The following PUM1 variants were observed in gnomAD, a reference collection of about 807,000 sequenced individuals.
The protein encoded by PUM1 is pumilio RNA binding family member 1.
A neutral mutation model predicts 131.8 loss-of-function variants in PUM1; 13 were observed. That is an observed-to-expected ratio of 0.10 (90% CI 0.06 to 0.16). The LOEUF (loss-of-function observed/expected upper bound fraction) is 0.16, where lower values mean the gene tolerates loss of function less well. Ranked by LOEUF, PUM1 falls within the 10% of genes least tolerant of loss-of-function variation. PUM1 has a pLI of 1.00. For missense variants in PUM1, 961 were observed against 1,512.4 expected, an observed-to-expected ratio of 0.64 and a Z score of 6.05; for synonymous variants, 509 against 556.5, an observed-to-expected ratio of 0.91 and a Z score of 1.20.
chr1:31,048,743 C>T (rs1296817043), intron 2 of PUM1, among the ~76,000 whole-genome samples: 3 of 151,726 alleles, frequency 2.0e-5, no homozygotes, highest in Non-Finnish European at 2.9e-5. Context: ...CAAAGTGCTG[C>T]GATTACAGGC....
chr1:31,002,009 G>A (rs78134010), intron 5 of PUM1, among the ~76,000 whole-genome samples: 234 of 152,274 alleles, frequency 1.5e-3, no homozygotes, highest in African/African-American at 5.3e-3. Context: ...AATGCTGTCG[G>A]CCCACTGACT....
intron 13 of PUM1, among the ~76,000 whole-genome samples, chr1:30,965,356 T>A (rs1640577149): frequency 2.0e-5 from 3 of 152,238 alleles, no homozygotes; most frequent in Non-Finnish European, 4.4e-5. Flanking sequence ...AATCGAGAGT[T>A]AATGCTGCCC....
chr1:30,994,951 A>T (rs1641929512), intron 6 of PUM1, 103 bp downstream of exon 6: 1 of 1,246,850 alleles, frequency 8.0e-7, no homozygotes, highest in Admixed American at 2.3e-5. Flanking sequence ...TTAAAAAGAA[A>T]ACATGAAGAG....
Position 30,966,080 on chromosome 1 carries a change from T to C in PUM1, c.1988A>G (p.Gln663Arg). The C allele has an allele frequency of 2.5e-6, 4 of 1,614,216 alleles. No individual in the cohort carries two copies. Among genetic ancestry groups the C allele is most frequent in the East Asian group, 2.2e-5 (1 of 44,894 alleles). ...SNSQSSSLFS[Q>R]GSAQPANTSL... is the part of the protein sequence containing the mutation. ...TGTGTTGGCAGGCTGGGCAGAGCCC[T>C]GGGAGAAGAGGGAGCTGCTCTGTGA... The change falls in exon 13 of 22, where the codon CAG becomes CGG. Residue 663 changes from glutamine to arginine, a missense_variant. Around this residue, in one of 4 missense-constraint regions of PUM1, gnomAD observed 654 missense variants for 923.9 expected, o/e 0.71. Transcript: ENST00000426105.
intron 2 of PUM1, among the ~76,000 whole-genome samples, chr1:31,037,673 C>T (rs1018866316): frequency 2.6e-5 from 4 of 151,886 alleles, no homozygotes; most frequent in Non-Finnish European, 5.9e-5. Context: ...CACCACTGCA[C>T]TCCAGCCCGG....
chr1:31,029,314 T>C (rs1425082588), intron 2 of PUM1, among the ~76,000 whole-genome samples: 2 of 152,218 alleles, frequency 1.3e-5, no homozygotes, highest in Admixed American at 1.3e-4. Flanking sequence ...TATTTCTCTT[T>C]GGTAAACCTC....
rs189950084 is a variant in PUM1 at position 30,998,363 on chromosome 1, G to A, written c.721-3143C>T. Among the ~76,000 whole-genome samples, 128 of 152,274 alleles carry A rather than the reference G, an allele frequency of 8.4e-4. 1 individual carries two copies. Among genetic ancestry groups the A allele is most frequent in the African/African-American group, 2.2e-3 (92 of 41,538 alleles). Reference sequence around the variant, plus strand: ...TATTAAGAGATAGTATCAGCTGCACGCAGTGGCTCATGCCTGTAATCCTAG... The same window carrying A: ...TATTAAGAGATAGTATCAGCTGCACACAGTGGCTCATGCCTGTAATCCTAG... On this transcript the variant is annotated intron_variant, in intron 5 of 21. Coordinates refer to ENST00000426105, the MANE Select transcript of PUM1 (RefSeq NM_001020658.2).
At chr1:30,969,661 G>A (rs1335930951) in intron 10 of PUM1, among the ~76,000 whole-genome samples, 1 of 151,650 alleles carries the variant, frequency 6.6e-6, no homozygotes, top group Non-Finnish European at 1.5e-5. Flanking sequence ...GGTGGGCGGC[G>A]GGTGGCGCGG....
chr1:31,007,971 A>G (rs1642454443), intron 3 of PUM1, among the ~76,000 whole-genome samples: 1 of 152,242 alleles, frequency 6.6e-6, no homozygotes, highest in Admixed American at 6.5e-5. Context: ...TTTACTGACT[A>G]AAATGCCCCC....
At chr1:30,955,282 C>T (rs922666235) in intron 14 of PUM1, among the ~76,000 whole-genome samples, 4 of 144,728 alleles carry the variant, frequency 2.8e-5, no homozygotes, top group African/African-American at 1.0e-4. Context: ...GGTGAAACCC[C>T]GACTCTACTA....
intron 2 of PUM1, among the ~76,000 whole-genome samples, chr1:31,031,080 T>C (rs944944528): frequency 1.3e-5 from 2 of 152,108 alleles, no homozygotes; most frequent in African/African-American, 4.8e-5. Flanking sequence ...GCACAATAAA[T>C]AGACTCATAA....
intron 15 of PUM1, among the ~76,000 whole-genome samples, chr1:30,952,993 CAAAACAAAACAAAAAAACA>C (rs1406452726): frequency 6.6e-6 from 1 of 150,636 alleles, no homozygotes; most frequent in East Asian, 1.9e-4. Context: ...CAAAACAAAA[CAAAACAAAACAAAAAAACA>C]AAAACAAAAC....
At chr1:31,061,190 G>A (rs1376582242) in intron 1 of PUM1, among the ~76,000 whole-genome samples, 1 of 152,090 alleles carries the variant, frequency 6.6e-6, no homozygotes, top group Non-Finnish European at 1.5e-5. Context: ...TGGGCACAGT[G>A]GCTCACTCCT....
At chr1:31,015,155 A>G (rs1240605234) in intron 3 of PUM1, among the ~76,000 whole-genome samples, 1 of 152,178 alleles carries the variant, frequency 6.6e-6, no homozygotes, top group Admixed American at 6.5e-5. Context: ...AAGAAAAATA[A>G]AAGCAGAAGA....
At chr1:31,027,584 C>T (rs1365905527) in intron 3 of PUM1, among the ~76,000 whole-genome samples, 3 of 152,098 alleles carry the variant, frequency 2.0e-5, no homozygotes, top group Non-Finnish European at 2.9e-5. Flanking sequence ...ACCAAAAATG[C>T]ATGAACTCAA....
chr1:31,027,547 T>C (rs576685893), intron 3 of PUM1, among the ~76,000 whole-genome samples: 22 of 152,192 alleles, frequency 1.4e-4, no homozygotes, highest in African/African-American at 5.3e-4. Flanking sequence ...CTCCCAATCA[T>C]CTCCTAAAGC....
chr1:31,014,563 G>A (rs998385110), intron 3 of PUM1, among the ~76,000 whole-genome samples: 3 of 151,790 alleles, frequency 2.0e-5, no homozygotes, highest in African/African-American at 4.8e-5. Flanking sequence ...TGAGGCGGGC[G>A]GATTGCTTGC....
At chr1:31,035,431 GATA>G (rs751630309) in intron 2 of PUM1, among the ~76,000 whole-genome samples, 28 of 151,582 alleles carry the variant, frequency 1.8e-4, no homozygotes, top group Admixed American at 3.9e-4. Context: ...TGAAAACACA[GATA>G]ATATTATTCC....
chr1:31,038,078 C>CAAA (rs200678086), intron 2 of PUM1, among the ~76,000 whole-genome samples: 1 of 71,080 alleles, frequency 1.4e-5, no homozygotes, highest in Non-Finnish European at 2.8e-5. Context: ...GACTCCATCT[C>CAAA]AAAAAAAAAA....
Sources: gnomAD v4.1 joint callset for allele counts (sites outside exome capture counted in the v4.1 genomes callset) on GRCh38, gnomAD v4.1.1 for gene constraint, gnomAD v4.1.1 regional missense constraint, MANE v1.5 for transcripts, NCBI Gene and HGNC (gene_info 2026-07-23, HGNC 2026-07-21) for gene names.